Variants in CATSPERE observed in about 807,000 individuals in gnomAD.
The protein encoded by CATSPERE is cation channel sperm-associated auxiliary subunit epsilon.
In CATSPERE, 93 loss-of-function variants were observed where a neutral mutation model predicts 114.1. The observed-to-expected ratio is 0.81, with a 90% CI of 0.69 to 0.97. CATSPERE has a LOEUF of 0.97. CATSPERE is among the 50% of genes least tolerant of loss of function. The pLI is 0.00. For synonymous variants in CATSPERE, 341 were observed against 384.1 expected, an observed-to-expected ratio of 0.89 and a Z score of 1.31; for missense variants, 1,058 against 1,131.6, an observed-to-expected ratio of 0.93 and a Z score of 0.93.
chr1:244,606,271 C>A (rs1325537612), intron 18 of CATSPERE, among the ~76,000 whole-genome samples: 1 of 152,096 alleles, frequency 6.6e-6, no homozygotes, highest in Non-Finnish European at 1.5e-5. Context: ...TGGTGAATCT[C>A]CCTTATTCTA....
upstream of CATSPERE, among the ~76,000 whole-genome samples, chr1:244,459,137 G>A (rs1666420825): frequency 6.7e-6 from 1 of 149,738 alleles, no homozygotes. Flanking sequence ...GGAGTTCGGT[G>A]GCTCAGTCTC....
At chr1:244,492,227 A>C (rs1183062020) in intron 6 of CATSPERE, among the ~76,000 whole-genome samples, 1 of 152,020 alleles carries the variant, frequency 6.6e-6, no homozygotes, top group African/African-American at 2.4e-5. Context: ...CCAGCAGCAC[A>C]TCAAAAAGCT....
Position 244,477,893 on chromosome 1 carries a change from T to C in CATSPERE, c.189-13T>C. The C allele has an allele frequency of 6.3e-7, 1 of 1,592,854 alleles. No individual in the cohort carries two copies. The highest frequency in any genetic ancestry group is 8.6e-7 in the Non-Finnish European group (1 of 1,163,320). On this transcript the variant is annotated splice_polypyrimidine_tract_variant and intron_variant, in intron 3 of 21. Coordinates refer to ENST00000366534, the MANE Select transcript of CATSPERE (RefSeq NM_001130957.2). ...CACCTATAATTATTCTTTCTCATCT[T>C]TTTAAACACTAGCTCACCCACGACA...
intron 20 of CATSPERE, among the ~76,000 whole-genome samples, chr1:244,629,562 G>A (rs1673659822): frequency 1.4e-5 from 2 of 141,672 alleles, no homozygotes; most frequent in South Asian, 4.4e-4. Context: ...GCCCAGCCTG[G>A]TCTTGAACTC....
rs1669724170 is a variant in CATSPERE, at chr1:244,478,520, G to C, written c.258+545G>C. Among the ~76,000 whole-genome samples the C allele has an allele frequency of 2.0e-5, 3 of 152,222 alleles. No individual in the cohort carries two copies. The South Asian group carries it at 6.2e-4, about 31-fold the overall frequency. ...CTGCACAGCTGATGTTCCCACACAA[G>C]TGTGCCTGAAGCTGCAGTTCTACAG... On this transcript the variant is annotated intron_variant, in intron 4 of 21. Transcript: ENST00000366534.
chr1:244,622,936 A>G (rs1161798744), intron 20 of CATSPERE, among the ~76,000 whole-genome samples: 1 of 152,142 alleles, frequency 6.6e-6, no homozygotes, highest in African/African-American at 2.4e-5. Flanking sequence ...GCAGGTATAT[A>G]CCAAAAGTGT....
intron 19 of CATSPERE, among the ~76,000 whole-genome samples, chr1:244,614,150 C>T (rs1174334063): frequency 6.6e-6 from 1 of 152,160 alleles, no homozygotes; most frequent in African/African-American, 2.4e-5. Flanking sequence ...TACTCCATTT[C>T]AGGTGTTCTG....
At position 244,568,439 on chromosome 1, in the gene CATSPERE, C is replaced by T. The variant is rs1293049890; in HGVS notation, c.1508-3891C>T. Among the ~76,000 whole-genome samples, 2 of 152,232 alleles carry T rather than the reference C, an allele frequency of 1.3e-5. No homozygotes were observed. The highest frequency in any genetic ancestry group is 2.9e-5 in the Non-Finnish European group (2 of 68,030). On this transcript the variant is annotated intron_variant, in intron 10 of 21. Transcript: ENST00000366534. The surrounding 1 kb of genome is among the most constrained non-coding windows in gnomAD (Gnocchi z 4.4). Reference sequence around the variant, plus strand: ...CGTTTAAGTCTGCTGAAGCTGCGCCCAGGGCCACCCCTTTCCCCAGGTGCT... The same window carrying T: ...CGTTTAAGTCTGCTGAAGCTGCGCCTAGGGCCACCCCTTTCCCCAGGTGCT...
At chr1:244,451,674 G>A, upstream of CATSPERE, 1 of 1,612,376 alleles carries the variant, frequency 6.2e-7, no homozygotes, top group Non-Finnish European at 8.5e-7. The surrounding 1 kb of genome is among the most constrained non-coding windows in gnomAD (Gnocchi z 6.6). Context: ...GCGCCAGCAG[G>A]TCCACCACCT....
At chr1:244,470,708 A>G (rs1668338432) in intron 2 of CATSPERE, among the ~76,000 whole-genome samples, 1 of 152,214 alleles carries the variant, frequency 6.6e-6, no homozygotes, top group Non-Finnish European at 1.5e-5. Flanking sequence ...AAAAACTAGT[A>G]CATGAATGTT....
At chr1:244,542,825 C>G (rs114650549) in intron 8 of CATSPERE, among the ~76,000 whole-genome samples, 559 of 152,204 alleles carry the variant, frequency 3.7e-3, no homozygotes, top group African/African-American at 0.013. Flanking sequence ...TGCCCAACTA[C>G]AGATTCCAAA....
At chr1:244,564,587 A>T (rs1438149966) in intron 10 of CATSPERE, among the ~76,000 whole-genome samples, 1 of 152,194 alleles carries the variant, frequency 6.6e-6, no homozygotes, top group Non-Finnish European at 1.5e-5. Flanking sequence ...TGATTTTTGC[A>T]CATTGATTTT....
Position 244,639,929 on chromosome 1 carries a change from C to A in CATSPERE, c.2704C>A (p.Pro902Thr). The change falls in exon 22 of 22, where the codon CCA becomes ACA. Residue 902 changes from proline (P) to threonine (T), a missense_variant and splice_region_variant. Physicochemically the swap from Pro to Thr is conservative, Grantham distance 38 (BLOSUM62 -1). This residue lies in a region of CATSPERE where 787 missense variants were observed against 905.6 expected (regional missense o/e 0.87). Coordinates refer to ENST00000366534, the MANE Select transcript of CATSPERE (RefSeq NM_001130957.2). ...TTTTTTTTTTTTTTCTGATTTCAGT[C>A]CAAGTGTCTACCTGGTAGCTTCTTT... The part of the protein sequence containing the change: ...AIETFGLIPS[P>T]SVYLVASFLF... 6.5e-7 allele frequency: 1 copy of A among 1,536,346 alleles called. No homozygotes were observed.
chr1:244,461,453 G>A lies in CATSPERE; in HGVS notation c.24G>A (p.Val8=). Residue 8 remains valine, a synonymous_variant, in exon 1 of 22, where the codon GTG becomes GTA. Transcript: ENST00000366534. Reference sequence around the variant, plus strand: ...CCATGTCAGCCCGGGAAGTGGCCGTGCTGCTGCTGTGGCTGAGCTGCTATG... The same window carrying A: ...CCATGTCAGCCCGGGAAGTGGCCGTACTGCTGCTGTGGCTGAGCTGCTATG... MSAREVA[V]LLLWLSCYGS... 2 of 1,377,368 alleles carry A rather than the reference G, an allele frequency of 1.5e-6. No homozygotes were observed. Among genetic ancestry groups the A allele is most frequent in the Non-Finnish European group, 1.9e-6 (2 of 1,057,562 alleles). 85.3% of individuals were successfully genotyped at this position (1,377,368 alleles called of 1,614,324 possible).
Position 244,479,744 on chromosome 1 carries a change from G to A in CATSPERE, c.286G>A (p.Glu96Lys). ...PDEEERYLFV[E>K]SSHTCFLWYY... is the part of the protein sequence containing the mutation. ...TGAAGAAGAACGCTATTTATTTGTGGAAAGTTCTCATACTTGCTTTCTGTG... is the reference window on the plus strand; with the variant it reads ...TGAAGAAGAACGCTATTTATTTGTGAAAAGTTCTCATACTTGCTTTCTGTG... Residue 96 changes from glutamate to lysine, a missense_variant, in exon 5 of 22, where the codon GAA (glutamate) becomes AAA (lysine). Glu to Lys is a moderately conservative substitution (Grantham distance 56). Coordinates refer to ENST00000366534, the MANE Select transcript of CATSPERE (RefSeq NM_001130957.2). The A allele has an allele frequency of 6.2e-7, 1 of 1,600,064 alleles. No homozygotes were observed. The highest frequency in any genetic ancestry group is 8.5e-7 in the Non-Finnish European group (1 of 1,170,982).
Position 244,552,705 on chromosome 1 carries a change from T to C in CATSPERE, c.920T>C (p.Ile307Thr). 6.2e-7 allele frequency: 1 copy of C among 1,614,088 alleles called. No individual in the cohort carries two copies. Residue 307 changes from isoleucine (I) to threonine (T), a missense_variant, in exon 9 of 22, where the codon ATA (isoleucine) becomes ACA (threonine). By Grantham distance (89) the Ile-to-Thr change is moderately conservative. Around this residue, in one of 2 missense-constraint regions of CATSPERE, gnomAD observed 787 missense variants for 905.6 expected, o/e 0.87. Transcript: ENST00000366534. ...TTTCTTATAAATGGTGTTCTTTACA[T>C]AAAGAGTTTTCGTGGATTTATAAGA... is the stretch of plus-strand genomic sequence containing the variant. ...IVFLINGVLY[I>T]KSFRGFIRLG...
intron 9 of CATSPERE, among the ~76,000 whole-genome samples, chr1:244,553,618 C>CACACACACACACACATATATACAT (rs1558484867): frequency 6.0e-5 from 8 of 133,466 alleles, no homozygotes; most frequent in African/African-American, 2.0e-4. Context: ...CACACACACA[C>CACACACACACACACATATATACAT]ACACACACAC....
At chr1:244,579,072 A>G (rs1665779552) in intron 11 of CATSPERE, among the ~76,000 whole-genome samples, 1 of 152,044 alleles carries the variant, frequency 6.6e-6, no homozygotes, top group South Asian at 2.1e-4. Context: ...AAAAATATGC[A>G]AGAACCACAA....
intron 18 of CATSPERE, 141 bp downstream of exon 18, chr1:244,605,935 T>A (rs1221488904): frequency 2.0e-6 from 1 of 506,696 alleles, no homozygotes; most frequent in Middle Eastern, 4.3e-4. Context: ...GATTAAATTA[T>A]ATGGCTACTA....
Sources: gnomAD v4.1 joint callset for allele counts (sites outside exome capture counted in the v4.1 genomes callset) on GRCh38, gnomAD v4.1.1 for gene constraint, gnomAD v4.1.1 regional missense constraint, Gnocchi (gnomAD v3.1) non-coding constraint, MANE v1.5 for transcripts, NCBI Gene and HGNC (gene_info 2026-07-23, HGNC 2026-07-21) for gene names.